TAAR5: variants seen among roughly 807,000 people sequenced by gnomAD.
TAAR5 encodes trace amine associated receptor 5.
Under a neutral mutation model 21.1 loss-of-function variants are expected in TAAR5, and 27 were observed. The ratio of observed to expected loss-of-function variants is 1.28; its 90% CI spans 0.94 to 1.76. The LOEUF (loss-of-function observed/expected upper bound fraction) is 1.76. TAAR5 is among the 40% of genes most tolerant of loss of function. The pLI, the probability that TAAR5 is intolerant of heterozygous loss-of-function variation, is 0.00. For missense variants in TAAR5, 495 were observed against 405.6 expected (o/e 1.22, Z -1.89); for synonymous variants, 203 against 167.5 (o/e 1.21, Z -1.64).
the TAAR5 span, chr6:132,608,780 C>A: frequency 2.2e-6 from 1 of 455,840 alleles, no homozygotes; most frequent in East Asian, 6.9e-5. Flanking sequence ...TCAGATAGAA[C>A]TAAACCAAAA....
chr6:132,609,562 A>G, the TAAR5 span, among the ~76,000 whole-genome samples: 1 of 152,138 alleles, frequency 6.6e-6, no homozygotes, highest in African/African-American at 2.4e-5. Flanking sequence ...CATCTATCCA[A>G]CATAGGTTTA....
the TAAR5 span, among the ~76,000 whole-genome samples, chr6:132,609,498 G>A: frequency 1.3e-5 from 2 of 152,272 alleles, no homozygotes; most frequent in Admixed American, 1.3e-4. Context: ...ATTTTCAGCT[G>A]TGTATTCTTT....
the TAAR5 span, among the ~76,000 whole-genome samples, chr6:132,601,032 GGAGGGAAA>G: frequency 7.7e-3 from 987 of 128,002 alleles, no homozygotes; most frequent in Non-Finnish European, 0.01. Flanking sequence ...AAGGAGGGAA[GGAGGGAAA>G]GAAGGAAGGA....
the TAAR5 span, among the ~76,000 whole-genome samples, chr6:132,597,194 A>C: frequency 6.6e-6 from 1 of 152,164 alleles, no homozygotes; most frequent in Admixed American, 6.6e-5. Flanking sequence ...GCATGAAACA[A>C]CTTATAGAAA....
chr6:132,588,716 A>G lies in TAAR5; in HGVS notation c.971T>C (p.Val324Ala). Residue 324 changes from valine (V) to alanine (A), a missense_variant, in exon 1 of 1, where the codon GTC becomes GCC. By Grantham distance (64) the Val-to-Ala change is moderately conservative. Coordinates refer to ENST00000258034, the MANE Select transcript of TAAR5 (RefSeq NM_003967.3). ...AACAGTGCGTGTCTGCGGTGAGAAG[A>G]CCTTCTGGCTCAGTGTGAGTTTCAG... ...KALKLTLSQKVFSPQTRTVDL... is the reference protein window; with the variant it reads ...KALKLTLSQKAFSPQTRTVDL... The G allele has an allele frequency of 6.2e-7, 1 of 1,613,904 alleles. No individual in the cohort carries two copies. Among genetic ancestry groups the G allele is most frequent in the Middle Eastern group, 1.7e-4 (1 of 6,058 alleles).
upstream of TAAR5, among the ~76,000 whole-genome samples, chr6:132,594,013 C>T (rs1314775306): frequency 1.3e-5 from 2 of 152,214 alleles, no homozygotes; most frequent in African/African-American, 4.8e-5. Context: ...TTTAGATAAA[C>T]TCAGATATAC....
At chr6:132,596,841 G>A in the TAAR5 span, among the ~76,000 whole-genome samples, 5 of 151,966 alleles carry the variant, frequency 3.3e-5, no homozygotes, top group African/African-American at 1.2e-4. Flanking sequence ...GTTCTAAAAG[G>A]CTGCAAATAA....
the TAAR5 span, chr6:132,609,255 C>T: frequency 2.7e-4 from 91 of 335,592 alleles, no homozygotes; most frequent in African/African-American, 1.8e-3. Flanking sequence ...GATAGGTCTT[C>T]GGGAATATAA....
chr6:132,613,612 T>C, the TAAR5 span, among the ~76,000 whole-genome samples: 1 of 152,218 alleles, frequency 6.6e-6, no homozygotes, highest in African/African-American at 2.4e-5. Context: ...TCCAGCCACA[T>C]ACATTTGGAA....
At chr6:132,594,353 C>T (rs1435765505), upstream of TAAR5, 1 of 152,038 alleles carries the variant, frequency 6.6e-6, no homozygotes, top group Non-Finnish European at 1.5e-5. Context: ...TCCAAGATTC[C>T]CCACCAGAAA....
In TAAR5 at chr6:132,589,072, G is replaced by T; in HGVS notation, c.615C>A (p.Phe205Leu). Residue 205 changes from phenylalanine (F) to leucine (L), a missense_variant, in exon 1 of 1, where the codon TTC becomes TTA. Phe to Leu is a conservative substitution (Grantham distance 22, BLOSUM62 0). Transcript: ENST00000258034. ...TGAGGCAGGGGACAAAGAACAAAGG[G>T]AAGTTTAACCAGCCCCAAAATTTAT... ...LLNKFWGWLN[F>L]PLFFVPCLIM... 6.2e-7 allele frequency: 1 copy of T among 1,614,110 alleles called. No homozygotes were observed. The highest frequency in any genetic ancestry group is 8.5e-7 in the Non-Finnish European group (1 of 1,180,010).
chr6:132,589,144 C>A lies in TAAR5; in HGVS notation c.543G>T (p.Gln181His), dbSNP rs142421360. The A allele has an allele frequency of 6.2e-7, 1 of 1,611,468 alleles. No individual in the cohort carries two copies. Among genetic ancestry groups the A allele is most frequent in the African/African-American group, 1.3e-5 (1 of 75,058 alleles). ...YTDVVETRLS[Q>H]WLEEMPCVGS... The stretch of plus-strand genomic sequence containing the variant: ...CCACACAAGGCATCTCTTCCAGCCA[C>A]TGGCTGAGCCTTGTCTCTACCACAT... Residue 181 changes from glutamine (Q) to histidine (H), a missense_variant, in exon 1 of 1, where the codon CAG (glutamine) becomes CAT (histidine). Physicochemically the swap from Gln to His is conservative, Grantham distance 24. Coordinates refer to ENST00000258034, the MANE Select transcript of TAAR5 (RefSeq NM_003967.3).
chr6:132,589,342 G>A lies in TAAR5; in HGVS notation c.345C>T (p.Thr115=), dbSNP rs764325141. The change falls in exon 1 of 1, where the codon ACC becomes ACT. Residue 115 remains threonine (T), a synonymous_variant. Coordinates refer to ENST00000258034, the MANE Select transcript of TAAR5 (RefSeq NM_003967.3). ...GGAAGATGGAGGTGAGGCAGAAGAG[G>A]GTGTCCAGGTAGGTGTGCAGGCGGC... ...FLCRLHTYLD[T]LFCLTSIFHL... is the part of the protein sequence containing the mutation. 1 of 1,613,990 alleles carries A rather than the reference G, an allele frequency of 6.2e-7. No homozygotes were observed. The highest frequency in any genetic ancestry group is 8.5e-7 in the Non-Finnish European group (1 of 1,179,978).
the TAAR5 span, chr6:132,595,250 G>T: frequency 1.6e-4 from 25 of 153,644 alleles, no homozygotes; most frequent in African/African-American, 6.0e-4. Context: ...GAGTGGAGCT[G>T]CTTGAAGTGA....
At chr6:132,593,880 G>C (rs1776940054), upstream of TAAR5, among the ~76,000 whole-genome samples, 1 of 152,264 alleles carries the variant, frequency 6.6e-6, no homozygotes, top group South Asian at 2.1e-4. Context: ...ACAATTGGAA[G>C]TAACTACAAC....
Position 132,588,639 on chromosome 6 carries a change from G to C in TAAR5, c.*34C>G. 6.4e-7 allele frequency: 1 copy of C among 1,574,262 alleles called. No homozygotes were observed. The highest frequency in any genetic ancestry group is 8.6e-7 in the Non-Finnish European group (1 of 1,157,670). On this transcript the variant is annotated 3_prime_UTR_variant, in exon 1 of 1. Coordinates refer to ENST00000258034, the MANE Select transcript of TAAR5 (RefSeq NM_003967.3). Reference sequence around the variant, plus strand: ...ACAGTGCCACTTATCTTTCCTGTGAGGTCCTACTCCTTGCCTGCATTTAGT... The same window carrying C: ...ACAGTGCCACTTATCTTTCCTGTGACGTCCTACTCCTTGCCTGCATTTAGT...
At chr6:132,609,933 T>C in the TAAR5 span, among the ~76,000 whole-genome samples, 1 of 152,158 alleles carries the variant, frequency 6.6e-6, no homozygotes, top group South Asian at 2.1e-4. Context: ...TTTGCTACTC[T>C]CTTCCTGTCC....
the TAAR5 span, among the ~76,000 whole-genome samples, chr6:132,607,648 G>T: frequency 1.3e-5 from 2 of 152,144 alleles, no homozygotes; most frequent in Non-Finnish European, 2.9e-5. Flanking sequence ...AAAGGCAAAA[G>T]CTCAAATTGC....
At chr6:132,608,735 G>T in the TAAR5 span, 1 of 455,916 alleles carries the variant, frequency 2.2e-6, no homozygotes, top group Non-Finnish European at 4.4e-6. Flanking sequence ...CAAGCAACAA[G>T]TATCTTATAG....
Sources: gnomAD v4.1 joint callset for allele counts (sites outside exome capture counted in the v4.1 genomes callset) on GRCh38, gnomAD v4.1.1 for gene constraint, MANE v1.5 for transcripts, NCBI Gene and HGNC (gene_info 2026-07-23, HGNC 2026-07-21) for gene names.